Variants in CDKL5 observed in about 807,000 individuals in gnomAD.
CDKL5 encodes cyclin dependent kinase like 5.
CDKL5 carries 8 observed loss-of-function variants against 61.7 expected under a neutral mutation model. The observed-to-expected ratio is 0.13, with a 90% CI of 0.08 to 0.23. The LOEUF is 0.23. Ranked by LOEUF, CDKL5 falls within the 10% of genes least tolerant of loss-of-function variation. The pLI, the probability that CDKL5 is intolerant of heterozygous loss-of-function variation, is 1.00. For synonymous variants in CDKL5, 275 were observed against 272.3 expected, an observed-to-expected ratio of 1.01 and a Z score of -0.10; for missense variants, 440 against 734.5, an observed-to-expected ratio of 0.60 and a Z score of 4.63.
intron 3 of CDKL5, among the ~76,000 whole-genome samples, chrX:18,544,858 T>A (rs963516707): frequency 2.7e-5 from 3 of 112,124 alleles, no homozygotes; most frequent in Non-Finnish European, 3.8e-5. Context: ...CATTTACAAC[T>A]GTTTGGAGTA....
At chrX:18,650,650 G>A in intron 21 of CDKL5, 5 of 1,148,011 alleles carry the variant, frequency 4.4e-6, no homozygotes, top group African/African-American at 1.8e-5. Context: ...GGAATTGCCC[G>A]AGGAGCTGTA....
chrX:18,427,472 C>A (rs1157689573), intron 1 of CDKL5, among the ~76,000 whole-genome samples: 1 of 109,475 alleles, frequency 9.1e-6, no homozygotes, highest in Non-Finnish European at 1.9e-5. Context: ...AATAGAACTA[C>A]AAAAGAGGCA....
At chrX:18,526,205 A>G (rs1431481521) in intron 3 of CDKL5, among the ~76,000 whole-genome samples, 1 of 112,477 alleles carries the variant, frequency 8.9e-6, no homozygotes, top group Non-Finnish European at 1.9e-5. Flanking sequence ...GCTAATATAA[A>G]TTGTATTGTG....
At chrX:18,497,484 G>A (rs1407173853) in intron 1 of CDKL5, 1 of 111,488 alleles carries the variant, frequency 9.0e-6, no homozygotes, top group Non-Finnish European at 1.9e-5. Flanking sequence ...GAACTTCCGA[G>A]AGAGAGAACA....
intron 19 of CDKL5, among the ~76,000 whole-genome samples, chrX:18,645,322 A>T (rs1233373293): frequency 9.1e-6 from 1 of 110,318 alleles, no homozygotes; most frequent in Non-Finnish European, 1.9e-5. Context: ...TTTCACTTCT[A>T]TCCCACACCT....
intron 1 of CDKL5, among the ~76,000 whole-genome samples, chrX:18,471,124 T>G (rs922924554): frequency 8.9e-6 from 1 of 111,971 alleles, no homozygotes; most frequent in Non-Finnish European, 1.9e-5. Flanking sequence ...ACATTGAGCT[T>G]CTCATTTTGA....
chrX:18,496,656 T>G (rs758937430), intron 1 of CDKL5, among the ~76,000 whole-genome samples: 9 of 111,845 alleles, frequency 8.0e-5, no homozygotes, highest in Admixed American at 2.8e-4. Context: ...TTTGATTGCC[T>G]TCAGGGTCTG....
At chrX:18,495,649 CTGTT>C (rs1175717437) in intron 1 of CDKL5, among the ~76,000 whole-genome samples, 1 of 111,914 alleles carries the variant, frequency 8.9e-6, no homozygotes, top group Non-Finnish European at 1.9e-5. Context: ...TCCTCCTTGT[CTGTT>C]CTGCTTCAGA....
chrX:18,518,652 C>A (rs549935620), intron 3 of CDKL5, among the ~76,000 whole-genome samples: 2 of 109,271 alleles, frequency 1.8e-5, no homozygotes, highest in Admixed American at 2.0e-4. Flanking sequence ...GATCCACCCT[C>A]GGCCTCCCAG....
Position 18,613,135 on chromosome X carries a change from AC to A in CDKL5, c.2153-16del. 1 of 1,129,254 alleles carries A rather than the reference AC, an allele frequency of 8.9e-7. No individual in the cohort carries two copies. The highest frequency in any genetic ancestry group is 1.2e-6 in the Non-Finnish European group (1 of 837,555). 93.1% of individuals were successfully genotyped at this position (1,129,254 alleles called of 1,213,427 possible). On this transcript the variant is annotated splice_polypyrimidine_tract_variant and intron_variant, in intron 14 of 17. Coordinates refer to ENST00000623535, the MANE Select transcript of CDKL5 (RefSeq NM_001323289.2). ...AAAAAGAAAAGTCCATCAGTGACTT[AC>A]TTTTTCTTTATTCAGTGCCATCTCC...
At chrX:18,594,562 A>ACTTCTATGTTTT (rs1925928966) in intron 9 of CDKL5, among the ~76,000 whole-genome samples, 1 of 111,874 alleles carries the variant, frequency 8.9e-6, no homozygotes, top group South Asian at 3.7e-4. Context: ...CTCTATTTTT[A>ACTTCTATGTTTT]CTTCTATGTT....
At chrX:18,492,569 A>T (rs1922029849) in intron 1 of CDKL5, among the ~76,000 whole-genome samples, 1 of 110,661 alleles carries the variant, frequency 9.0e-6, no homozygotes, top group Non-Finnish European at 1.9e-5. Flanking sequence ...ATGTGTCTCT[A>T]CTCATACATA....
intron 3 of CDKL5, among the ~76,000 whole-genome samples, chrX:18,543,821 T>G (rs1924104307): frequency 9.0e-6 from 1 of 111,633 alleles, no homozygotes; most frequent in Admixed American, 9.5e-5. Flanking sequence ...CTCACAATTC[T>G]TTTAGAAATA....
intron 8 of CDKL5, 71 bp downstream of exon 8, chrX:18,584,424 A>G: frequency 1.4e-6 from 1 of 710,640 alleles, no homozygotes; most frequent in Non-Finnish European, 2.3e-6. Context: ...CTTTGAGTTC[A>G]TCTATGGAAA....
rs1927262676 is a variant in CDKL5 at position 18,632,447 on chromosome X, C to T, written c.*3690C>T. 1.3e-6 allele frequency: 1 copy of T among 753,305 alleles called. No individual in the cohort carries two copies. 62.1% of individuals were successfully genotyped at this position (753,305 alleles called of 1,213,427 possible). A position where few individuals can be genotyped will look rare whatever the true frequency, so the allele number is the denominator to read the frequency against. ...TTTTTACCAACTGCTCAAAGGCATC[C>T]GTGGCTTTCAGCTGTGTCTCCCGAA... On this transcript the variant is annotated 3_prime_UTR_variant, in exon 18 of 18. Coordinates refer to ENST00000623535, the MANE Select transcript of CDKL5 (RefSeq NM_001323289.2).
intron 21 of CDKL5, among the ~76,000 whole-genome samples, chrX:18,653,231 C>G (rs182464275): frequency 5.4e-4 from 60 of 112,060 alleles, no homozygotes; most frequent in South Asian, 1.5e-3. Context: ...CTATTTTTTG[C>G]TCTCAGAGTG....
At chrX:18,524,032 G>A (rs754459676) in intron 3 of CDKL5, among the ~76,000 whole-genome samples, 2 of 111,161 alleles carry the variant, frequency 1.8e-5, no homozygotes, top group East Asian at 2.8e-4. Context: ...TGTGAATAGG[G>A]GTAGTTCTAC....
chrX:18,642,398 A>G (rs1231602485), downstream of CDKL5, among the ~76,000 whole-genome samples: 1 of 111,882 alleles, frequency 8.9e-6, no homozygotes, highest in Non-Finnish European at 1.9e-5. Context: ...TTACACTTCA[A>G]TTAATTAAAA....
chrX:18,486,512 A>G (rs1318420842), intron 1 of CDKL5, among the ~76,000 whole-genome samples: 1 of 112,269 alleles, frequency 8.9e-6, no homozygotes, highest in Non-Finnish European at 1.9e-5. Flanking sequence ...TGTTTTGCTT[A>G]AAAAGCGGTC....
Sources: allele counts gnomAD v4.1 joint callset (sites outside exome capture counted in the v4.1 genomes callset), GRCh38; gene constraint gnomAD v4.1.1; transcripts MANE v1.5; gene names NCBI Gene and HGNC (gene_info 2026-07-23, HGNC 2026-07-21).